The following RYR3 variants were observed in gnomAD, a reference collection of about 807,000 sequenced individuals.
RYR3 encodes the protein brain ryanodine receptor-calcium release channel.
In RYR3, 207 loss-of-function variants were observed where a neutral mutation model predicts 584.3. That is an observed-to-expected ratio of 0.35 (90% CI 0.32 to 0.40). The LOEUF (loss-of-function observed/expected upper bound fraction) is 0.40, where lower values mean the gene tolerates loss of function less well. Among genes scored for constraint, RYR3 ranks in the 10% least tolerant of loss-of-function variants. The pLI is 1.00. For missense variants in RYR3, 5,616 were observed against 6,089.2 expected, an observed-to-expected ratio of 0.92 and a Z score of 2.59; for synonymous variants, 2,416 against 2,248.5, an observed-to-expected ratio of 1.07 and a Z score of -2.11.
chr15:33,671,006 G>C (rs531210739), intron 38 of RYR3, among the ~76,000 whole-genome samples: 1 of 152,086 alleles, frequency 6.6e-6, no homozygotes, highest in Non-Finnish European at 1.5e-5. Flanking sequence ...TATGAGTTTG[G>C]GGGGGTTGTT....
At position 33,483,010 on chromosome 15, in the gene RYR3, G is replaced by A. The variant is rs954274864; in HGVS notation, c.171+9472G>A. Among the ~76,000 whole-genome samples the A allele has an allele frequency of 2.6e-5, 4 of 151,856 alleles. No homozygotes were observed. The South Asian group carries it at 8.3e-4, about 32-fold the overall frequency. On this transcript the variant is annotated intron_variant, in intron 2 of 103. Transcript: ENST00000634891. Reference sequence around the variant, plus strand: ...TGCATCTGCCTGAATACTTTCCATTGACCTATTTTATATTTATTTATTCCC... The same window carrying A: ...TGCATCTGCCTGAATACTTTCCATTAACCTATTTTATATTTATTTATTCCC...
intron 70 of RYR3, among the ~76,000 whole-genome samples, chr15:33,809,337 C>T (rs1239431925): frequency 6.6e-6 from 1 of 152,140 alleles, no homozygotes; most frequent in Non-Finnish European, 1.5e-5. Context: ...TGGTGAGCAC[C>T]GCTTCTTTCC....
intron 6 of RYR3, 60 bp downstream of exon 6, chr15:33,539,522 T>A (rs2055628211): frequency 1.8e-5 from 19 of 1,027,250 alleles, no homozygotes; most frequent in Non-Finnish European, 2.8e-5. Context: ...TAGGAATAGA[T>A]GGCCATGAAG....
At chr15:33,764,686 G>T (rs16957964) in intron 60 of RYR3, among the ~76,000 whole-genome samples, 2 of 151,946 alleles carry the variant, frequency 1.3e-5, no homozygotes, top group South Asian at 2.1e-4. Context: ...TAAACAGGTG[G>T]ACACTGCTTT....
intron 1 of RYR3, among the ~76,000 whole-genome samples, chr15:33,440,416 G>C (rs1453406843): frequency 2.0e-5 from 3 of 152,168 alleles, no homozygotes; most frequent in African/African-American, 7.2e-5. Flanking sequence ...CGTGTTTTAG[G>C]ATAGACTAGT....
intron 2 of RYR3, among the ~76,000 whole-genome samples, chr15:33,498,709 TG>T (rs2051668875): frequency 6.6e-6 from 1 of 152,164 alleles, no homozygotes; most frequent in South Asian, 2.1e-4. Flanking sequence ...TTTGTTTTGT[TG>T]CCTGTGTTTT....
At chr15:33,542,929 G>T (rs911957597) in intron 7 of RYR3, among the ~76,000 whole-genome samples, 1 of 152,032 alleles carries the variant, frequency 6.6e-6, no homozygotes, top group African/African-American at 2.4e-5. Context: ...AAGACAAATG[G>T]GTCATCATGT....
intron 36 of RYR3, among the ~76,000 whole-genome samples, chr15:33,668,039 G>C (rs1455501451): frequency 2.6e-5 from 3 of 115,342 alleles, no homozygotes; most frequent in South Asian, 6.2e-4. Context: ...TTCCAGCCTG[G>C]GCAACAAAGC....
intron 1 of RYR3, among the ~76,000 whole-genome samples, chr15:33,335,800 T>C (rs1241978603): frequency 2.0e-5 from 3 of 152,188 alleles, no homozygotes; most frequent in South Asian, 2.1e-4. Context: ...TATTTATGTA[T>C]TTGTTTATTT....
chr15:33,440,447 G>A (rs1261361767), intron 1 of RYR3, among the ~76,000 whole-genome samples: 1 of 152,156 alleles, frequency 6.6e-6, no homozygotes, highest in Non-Finnish European at 1.5e-5. Flanking sequence ...CCAACCAGGT[G>A]TGATTATGCC....
At position 33,840,829 on chromosome 15, in the gene RYR3, C is replaced by A; in HGVS notation, c.12983C>A (p.Ala4328Glu). The change falls in exon 90 of 104, where the codon GCA (alanine) becomes GAA (glutamate). Residue 4328 changes from alanine (A) to glutamate (E), a missense_variant. Ala to Glu is a moderately radical substitution (Grantham distance 107). This residue lies in a region of RYR3 where 918 missense variants were observed against 887.4 expected (regional missense o/e 1.03). Coordinates refer to ENST00000634891, the MANE Select transcript of RYR3 (RefSeq NM_001036.6). ...TVQKKRKAQA[A>E]EMKAANEAEG... Reference sequence around the variant, plus strand: ...CTAATTGTTATTTTTGTCTAGGCAGCAGAAATGAAAGCAGCAAATGAAGCA... The same window carrying A: ...CTAATTGTTATTTTTGTCTAGGCAGAAGAAATGAAAGCAGCAAATGAAGCA... The A allele has an allele frequency of 6.2e-7, 1 of 1,613,792 alleles. No homozygotes were observed. Among genetic ancestry groups the A allele is most frequent in the Non-Finnish European group, 8.5e-7 (1 of 1,179,796 alleles).
chr15:33,486,564 T>C (rs2050444169), intron 2 of RYR3, among the ~76,000 whole-genome samples: 1 of 152,030 alleles, frequency 6.6e-6, no homozygotes, highest in Non-Finnish European at 1.5e-5. Flanking sequence ...AAACCATATA[T>C]CAGTATGAAT....
intron 27 of RYR3, among the ~76,000 whole-genome samples, chr15:33,638,018 C>G (rs1009347958): frequency 2.0e-5 from 3 of 152,052 alleles, no homozygotes; most frequent in Admixed American, 1.3e-4. Flanking sequence ...TGTTCTCATC[C>G]TTTCAAGGTT....
intron 38 of RYR3, among the ~76,000 whole-genome samples, chr15:33,688,603 A>G (rs924548913): frequency 6.6e-6 from 1 of 151,556 alleles, no homozygotes; most frequent in African/African-American, 2.4e-5. Flanking sequence ...ACATTTATGC[A>G]GCTAACAGAC....
chr15:33,613,831 A>G (rs552392027), intron 19 of RYR3, among the ~76,000 whole-genome samples: 1 of 152,106 alleles, frequency 6.6e-6, no homozygotes, highest in Non-Finnish European at 1.5e-5. Context: ...TTATGTCTTG[A>G]TTATCTTTTA....
At chr15:33,577,422 A>G (rs1272272583) in intron 12 of RYR3, among the ~76,000 whole-genome samples, 2 of 152,196 alleles carry the variant, frequency 1.3e-5, no homozygotes, top group Non-Finnish European at 2.9e-5. Context: ...AAACAAACAC[A>G]TAGACCAATA....
In RYR3 at chr15:33,841,960, T is replaced by A. The variant is rs1197906728; in HGVS notation, c.13134T>A (p.Gly4378=). 1 of 1,602,754 alleles carries A rather than the reference T, an allele frequency of 6.2e-7. No individual in the cohort carries two copies. The highest frequency in any genetic ancestry group is 1.1e-5 in the South Asian group (1 of 88,740). ...CAAAAAAGAAGAAGCGGCGGTGTGG[T>A]CAGAAGGTTGAGAAGCCGGAAGCTT... ...EVTKKKKRRC[G]QKVEKPEAFT... Residue 4378 remains glycine (G), a synonymous_variant, in exon 91 of 104, where the codon GGT becomes GGA. Transcript: ENST00000634891.
intron 1 of RYR3, among the ~76,000 whole-genome samples, chr15:33,459,531 A>C (rs978644635): frequency 6.6e-6 from 1 of 152,128 alleles, no homozygotes; most frequent in Admixed American, 6.5e-5. Flanking sequence ...AGGGCTTAAT[A>C]GGTGGCAGAA....
intron 58 of RYR3, among the ~76,000 whole-genome samples, 169 bp from the exon 59 acceptor site, chr15:33,756,137 A>C (rs2071797208): frequency 6.6e-6 from 1 of 152,218 alleles, no homozygotes; most frequent in Non-Finnish European, 1.5e-5. Context: ...AAGAATTGAC[A>C]CAAGAAATAG....
Sources: gnomAD v4.1 joint callset for allele counts (sites outside exome capture counted in the v4.1 genomes callset) on GRCh38, gnomAD v4.1.1 for gene constraint, gnomAD v4.1.1 regional missense constraint, MANE v1.5 for transcripts, NCBI Gene and HGNC (gene_info 2026-07-23, HGNC 2026-07-21) for gene names.